The following PDE10A variants were observed in gnomAD, a reference collection of about 807,000 sequenced individuals.
The protein encoded by PDE10A is cAMP and cAMP-inhibited cGMP 3',5'-cyclic phosphodiesterase 10A.
In PDE10A, 39 loss-of-function variants were observed where a neutral mutation model predicts 97.7. That is an observed-to-expected ratio of 0.40 (90% CI 0.31 to 0.52). The LOEUF (loss-of-function observed/expected upper bound fraction) is 0.52. Ranked by LOEUF, PDE10A falls within the 20% of genes least tolerant of loss-of-function variation. The pLI is 0.56. For synonymous variants in PDE10A, 371 were observed against 376.8 expected, an observed-to-expected ratio of 0.98 and a Z score of 0.18; for missense variants, 731 against 1,047.8, an observed-to-expected ratio of 0.70 and a Z score of 4.17.
intron 1 of PDE10A, among the ~76,000 whole-genome samples, chr6:165,776,926 C>G (rs1778201784): frequency 6.6e-6 from 1 of 152,190 alleles, no homozygotes; most frequent in South Asian, 2.1e-4. Context: ...AAGCTTTTCT[C>G]TTCCTGGAAA....
intron 18 of PDE10A, among the ~76,000 whole-genome samples, chr6:165,366,038 A>T (rs1783750406): frequency 6.6e-6 from 1 of 152,168 alleles, no homozygotes; most frequent in Non-Finnish European, 1.5e-5. Context: ...AAATTTAAAA[A>T]CCTATTCATC....
chr6:165,927,485 A>C (rs1457864973), intron 1 of PDE10A, among the ~76,000 whole-genome samples: 1 of 151,924 alleles, frequency 6.6e-6, no homozygotes, highest in Non-Finnish European at 1.5e-5. Flanking sequence ...TATGGAAATA[A>C]TATAAATGTA....
intron 3 of PDE10A, among the ~76,000 whole-genome samples, chr6:165,478,389 G>C (rs992967327): frequency 6.6e-6 from 1 of 152,096 alleles, no homozygotes; most frequent in African/African-American, 2.4e-5. Flanking sequence ...TGAAAATCTA[G>C]TTCAGGCAAT....
chr6:165,337,712 A>G (rs539044535), intron 20 of PDE10A, among the ~76,000 whole-genome samples: 1 of 152,352 alleles, frequency 6.6e-6, no homozygotes, highest in South Asian at 2.1e-4. Flanking sequence ...TGAAAATCAA[A>G]CTATTCTAAA....
intron 1 of PDE10A, among the ~76,000 whole-genome samples, chr6:165,736,902 A>AG (rs1355903961): frequency 1.3e-5 from 2 of 152,204 alleles, no homozygotes; most frequent in Admixed American, 1.3e-4. Flanking sequence ...AAATTGACAA[A>AG]CGTTTAGTTG....
chr6:165,405,202 G>A (rs910247580), intron 13 of PDE10A, among the ~76,000 whole-genome samples: 8 of 152,176 alleles, frequency 5.3e-5, no homozygotes, highest in Non-Finnish European at 7.3e-5. Context: ...GCACCTCAGC[G>A]TATAGAAGAC....
At chr6:165,713,464 G>A (rs1273474578) in intron 1 of PDE10A, among the ~76,000 whole-genome samples, 1 of 152,150 alleles carries the variant, frequency 6.6e-6, no homozygotes, top group African/African-American at 2.4e-5. Context: ...CAAGTGTGTC[G>A]GGAAGCTTGC....
chr6:165,709,339 G>C (rs1242256040), intron 1 of PDE10A, among the ~76,000 whole-genome samples: 1 of 112,288 alleles, frequency 8.9e-6, no homozygotes, highest in Non-Finnish European at 1.8e-5. Context: ...ATGCTGTGGT[G>C]CTCTCTCCCC....
chr6:165,466,665 C>T (rs1319445474), intron 3 of PDE10A, among the ~76,000 whole-genome samples: 1 of 152,194 alleles, frequency 6.6e-6, no homozygotes, highest in Non-Finnish European at 1.5e-5. Flanking sequence ...AGGTGATCTA[C>T]AGTCAGTGAT....
upstream of PDE10A, among the ~76,000 whole-genome samples, chr6:165,665,061 T>C (rs1235024900): frequency 6.6e-6 from 1 of 152,206 alleles, no homozygotes; most frequent in African/African-American, 2.4e-5. Context: ...CTTTCGTCCT[T>C]TTCTCCAAGT....
intron 18 of PDE10A, among the ~76,000 whole-genome samples, chr6:165,352,496 A>C (rs2128187320): frequency 6.6e-6 from 1 of 152,322 alleles, no homozygotes; most frequent in South Asian, 2.1e-4. Flanking sequence ...TTAGCTATAA[A>C]GTTTCAAGCA....
chr6:165,435,280 A>C lies in PDE10A; in HGVS notation c.1292T>G (p.Val431Gly). The change falls in exon 6 of 22, where the codon GTG (valine) becomes GGG (glycine). Residue 431 changes from valine to glycine, a missense_variant. Physicochemically the swap from Val to Gly is moderately radical, Grantham distance 109. Around this residue, in one of 8 missense-constraint regions of PDE10A, gnomAD observed 152 missense variants for 199.3 expected, o/e 0.76. Transcript: ENST00000539869. ...ITQGTTVSAY[V>G]AKSRKTLLVE... ...TAGCAGTGTTTTCCTGGACTTGGCC[A>C]CATAAGCAGAGACGGTGGTGCCCTG... is the stretch of plus-strand genomic sequence containing the variant. 1 of 1,614,146 alleles carries C rather than the reference A, an allele frequency of 6.2e-7. No homozygotes were observed. Among genetic ancestry groups the C allele is most frequent in the East Asian group, 2.2e-5 (1 of 44,880 alleles).
intron 1 of PDE10A, among the ~76,000 whole-genome samples, chr6:165,946,337 T>TA (rs1391266038): frequency 6.6e-6 from 1 of 151,824 alleles, no homozygotes; most frequent in Non-Finnish European, 1.5e-5. Flanking sequence ...TCTACTAAAA[T>TA]AAAAAACATT....
At chr6:165,967,923 C>T (rs1296056125) in intron 1 of PDE10A, among the ~76,000 whole-genome samples, 1 of 152,238 alleles carries the variant, frequency 6.6e-6, no homozygotes, top group Non-Finnish European at 1.5e-5. Context: ...CTGCACTCTG[C>T]TAACCTTCCT....
At chr6:165,549,629 A>G (rs1004938831) in intron 1 of PDE10A, among the ~76,000 whole-genome samples, 5 of 152,074 alleles carry the variant, frequency 3.3e-5, no homozygotes, top group Non-Finnish European at 7.4e-5. Context: ...CGGCTGCATT[A>G]TTATGTTTTA....
At chr6:165,617,965 C>G (rs1301075136) in intron 1 of PDE10A, among the ~76,000 whole-genome samples, 1 of 152,250 alleles carries the variant, frequency 6.6e-6, no homozygotes, top group South Asian at 2.1e-4. Context: ...GTGGTTCACT[C>G]CTGTAATCCC....
At chr6:165,353,071 C>G (rs1309096882) in intron 18 of PDE10A, among the ~76,000 whole-genome samples, 8 of 151,974 alleles carry the variant, frequency 5.3e-5, no homozygotes, top group African/African-American at 1.2e-4. Flanking sequence ...ATAAAGATGG[C>G]AAATAAGTAT....
intron 1 of PDE10A, among the ~76,000 whole-genome samples, chr6:165,558,714 T>C (rs1486626161): frequency 6.6e-6 from 1 of 152,202 alleles, no homozygotes. Context: ...AGTCTGACTA[T>C]GAGTCAGGCA....
rs550029987 is a variant in PDE10A, at chr6:165,639,507, G to A, written c.865+22440C>T. ...AATCCCAGCACTTTGGGAGGCTGAGGCATGTGGATCACCTGAGGTCAGGAG... is the reference window on the plus strand; with the variant it reads ...AATCCCAGCACTTTGGGAGGCTGAGACATGTGGATCACCTGAGGTCAGGAG... On this transcript the variant is annotated intron_variant, in intron 1 of 21. Transcript: ENST00000539869. Among the ~76,000 whole-genome samples the A allele has an allele frequency of 2.0e-5, 3 of 152,218 alleles. No individual in the cohort carries two copies. In the East Asian group the frequency reaches 5.8e-4, roughly 29 times the overall value.
Sources: allele counts gnomAD v4.1 joint callset (sites outside exome capture counted in the v4.1 genomes callset), GRCh38; gene constraint gnomAD v4.1.1; regional missense constraint gnomAD v4.1.1; transcripts MANE v1.5; gene names NCBI Gene and HGNC (gene_info 2026-07-23, HGNC 2026-07-21).